CAMTA1: variants seen among roughly 807,000 people sequenced by gnomAD.
The protein encoded by CAMTA1 is calmodulin-binding transcription activator 1.
In CAMTA1, 27 loss-of-function variants were observed where a neutral mutation model predicts 170.9. The observed-to-expected ratio is 0.16, with a 90% confidence interval of 0.12 to 0.22. CAMTA1 has a LOEUF of 0.22. CAMTA1 is among the 10% of genes least tolerant of loss of function. CAMTA1 has a pLI of 1.00. For missense variants in CAMTA1, 1,619 were observed against 2,217.2 expected (o/e 0.73, Z 5.42); for synonymous variants, 833 against 891.5 (o/e 0.93, Z 1.17).
At chr1:7,706,626 A>G (rs1232729589) in intron 11 of CAMTA1, among the ~76,000 whole-genome samples, 1 of 152,228 alleles carries the variant, frequency 6.6e-6, no homozygotes, top group African/African-American at 2.4e-5. Flanking sequence ...TTTAGAGAGT[A>G]ATAATGTTTA....
chr1:7,556,736 C>T (rs914246129), intron 6 of CAMTA1, among the ~76,000 whole-genome samples: 2 of 152,102 alleles, frequency 1.3e-5, no homozygotes, highest in Non-Finnish European at 2.9e-5. Context: ...ACCCACTCAG[C>T]CCTGTGACCC....
intron 6 of CAMTA1, among the ~76,000 whole-genome samples, chr1:7,470,773 G>T (rs1032824303): frequency 6.6e-6 from 1 of 152,202 alleles, no homozygotes; most frequent in Non-Finnish European, 1.5e-5. Context: ...TTCAGTGGCC[G>T]CCTCCTGCCG....
At position 6,793,842 on chromosome 1, in the gene CAMTA1, GT is replaced by G. The variant is rs980463747; in HGVS notation, c.45+8269del. Among the ~76,000 whole-genome samples, 10 of 152,308 alleles carry G rather than the reference GT, an allele frequency of 6.6e-5. 2 individuals are homozygous for G. In the East Asian group the frequency reaches 1.9e-3, roughly 29 times the overall value. On this transcript the variant is annotated intron_variant, in intron 1 of 22. Coordinates refer to ENST00000303635, the MANE Select transcript of CAMTA1 (RefSeq NM_015215.4). ...TATATTAATACAATCAAGAATTAAT[GT>G]TCTTAAAACTTAAATTTGTTTTTTA...
chr1:7,721,625 G>A (rs372436410), intron 11 of CAMTA1, among the ~76,000 whole-genome samples: 81 of 152,288 alleles, frequency 5.3e-4, no homozygotes, highest in African/African-American at 1.8e-3. Context: ...CCCTAGAAAC[G>A]TAGCCTGGGA....
chr1:7,425,299 T>A (rs1267648580), intron 5 of CAMTA1, among the ~76,000 whole-genome samples: 1 of 152,096 alleles, frequency 6.6e-6, no homozygotes, highest in African/African-American at 2.4e-5. Context: ...CCTTCCATGG[T>A]GCCCTGAGGA....
intron 11 of CAMTA1, among the ~76,000 whole-genome samples, chr1:7,688,813 A>C (rs1350830781): frequency 6.6e-6 from 1 of 152,138 alleles, no homozygotes; most frequent in African/African-American, 2.4e-5. Context: ...GGACATTCAA[A>C]ATAGTCTTTG....
chr1:7,379,437 T>C (rs969165557), intron 5 of CAMTA1, among the ~76,000 whole-genome samples: 15 of 152,234 alleles, frequency 9.9e-5, no homozygotes, highest in Admixed American at 2.0e-4. Context: ...TGAGGGATCG[T>C]TATCTGCAGA....
intron 4 of CAMTA1, among the ~76,000 whole-genome samples, chr1:7,122,555 C>T (rs189644805): frequency 2.0e-4 from 30 of 152,256 alleles, no homozygotes; most frequent in South Asian, 1.7e-3. Context: ...CTTCGGGTGC[C>T]GTTCTGTCCA....
intron 3 of CAMTA1, among the ~76,000 whole-genome samples, chr1:6,905,188 C>CTTTTTT (rs34960802): frequency 2.7e-5 from 3 of 109,908 alleles, no homozygotes; most frequent in African/African-American, 7.7e-5. Flanking sequence ...TGCCTTGTTC[C>CTTTTTT]TTTTTTTTTT....
intron 17 of CAMTA1, 87 bp downstream of exon 17, chr1:7,745,109 C>T (rs1481524407): frequency 9.5e-6 from 12 of 1,268,870 alleles, no homozygotes; most frequent in Middle Eastern, 2.7e-4. Context: ...TGATGAATGC[C>T]GTGTCATAGA....
At chr1:7,620,032 A>G (rs2095586900) in intron 6 of CAMTA1, among the ~76,000 whole-genome samples, 1 of 152,218 alleles carries the variant, frequency 6.6e-6, no homozygotes, top group African/African-American at 2.4e-5. Context: ...GGGCCCTCCC[A>G]GAATAGACCA....
chr1:7,505,519 C>T (rs1292825676), intron 6 of CAMTA1, among the ~76,000 whole-genome samples: 1 of 152,156 alleles, frequency 6.6e-6, no homozygotes, highest in Non-Finnish European at 1.5e-5. Context: ...TGTGCAGGCC[C>T]AGATGGGGCC....
intron 4 of CAMTA1, among the ~76,000 whole-genome samples, chr1:7,103,133 C>T (rs1185533184): frequency 1.3e-5 from 2 of 149,224 alleles, no homozygotes; most frequent in East Asian, 4.0e-4. Context: ...GGGTTCCCAG[C>T]GGGGTGGGGG....
rs558055085 is a variant in CAMTA1, at chr1:7,492,597, G to A, written c.510+24696G>A. On this transcript the variant is annotated intron_variant, in intron 6 of 22. Transcript: ENST00000303635. Reference sequence around the variant, plus strand: ...AACGCAAACCTACATACACACACGCGTGCACACACACACACAAATGTACAT... The same window carrying A: ...AACGCAAACCTACATACACACACGCATGCACACACACACACAAATGTACAT... 6.3e-4 allele frequency among the ~76,000 whole-genome samples: 67 copies of A among 105,954 alleles called. 3 individuals carry two copies. In the South Asian group the frequency reaches 0.018, roughly 29 times the overall value. The allele number at this position is 105,954 out of a possible 152,430, so 69.5% of individuals were successfully genotyped here. A position where few individuals can be genotyped will look rare whatever the true frequency, so the allele number is the denominator to read the frequency against.
chr1:7,598,468 G>T (rs1375822921), intron 6 of CAMTA1, among the ~76,000 whole-genome samples: 1 of 152,194 alleles, frequency 6.6e-6, no homozygotes, highest in Non-Finnish European at 1.5e-5. Flanking sequence ...GGATGGTTGG[G>T]TCAAATGGTA....
chr1:7,247,093 C>T (rs1310848010), intron 4 of CAMTA1, among the ~76,000 whole-genome samples: 1 of 152,220 alleles, frequency 6.6e-6, no homozygotes, highest in Non-Finnish European at 1.5e-5. Context: ...CAGAGCCGAA[C>T]AAGTTCTAAT....
rs578106246 is a variant in CAMTA1, at chr1:7,119,508, G to C, written c.302+28137G>C. Among the ~76,000 whole-genome samples, 12 of 152,282 alleles carry C rather than the reference G, an allele frequency of 7.9e-5. 1 individual carries two copies. The South Asian group carries it at 2.3e-3, about 29-fold the overall frequency. On this transcript the variant is annotated intron_variant, in intron 4 of 22. Transcript: ENST00000303635. Reference sequence around the variant, plus strand: ...TCCTGCCAAATCGGAGTTCTGGATAGTTAACATGGAAGAACCCCTGAGCCG... The same window carrying C: ...TCCTGCCAAATCGGAGTTCTGGATACTTAACATGGAAGAACCCCTGAGCCG...
chr1:7,181,158 T>C (rs114744978), intron 4 of CAMTA1, among the ~76,000 whole-genome samples: 3,240 of 152,274 alleles, frequency 0.021, 59 homozygotes, highest in Middle Eastern at 0.054. Flanking sequence ...AATGATTATC[T>C]CCATAAATAC....
At position 7,299,179 on chromosome 1, in the gene CAMTA1, A is replaced by C. The variant is rs1048194284; in HGVS notation, c.438+49553A>C. ...GGTGGGGAGACCTGATTCCCTGCCTAGTGCTTCCTTCGTTTTCATGGATTC... is the reference window on the plus strand; with the variant it reads ...GGTGGGGAGACCTGATTCCCTGCCTCGTGCTTCCTTCGTTTTCATGGATTC... On this transcript the variant is annotated intron_variant, in intron 5 of 22. Transcript: ENST00000303635. The surrounding 1 kb of genome is among the most constrained non-coding windows in gnomAD (Gnocchi z 4.7). 2.0e-5 allele frequency among the ~76,000 whole-genome samples: 3 copies of C among 152,212 alleles called. No individual in the cohort carries two copies. Among genetic ancestry groups the C allele is most frequent in the African/African-American group, 7.2e-5 (3 of 41,460 alleles).
Sources: allele counts gnomAD v4.1 joint callset (sites outside exome capture counted in the v4.1 genomes callset), GRCh38; gene constraint gnomAD v4.1.1; non-coding constraint Gnocchi (gnomAD v3.1); transcripts MANE v1.5; gene names NCBI Gene and HGNC (gene_info 2026-07-23, HGNC 2026-07-21).